The following TCF7L2 variants were observed in gnomAD, a reference collection of about 807,000 sequenced individuals.
TCF7L2 encodes transcription factor 7 like 2, also known as transcription factor 7-like 2.
TCF7L2 carries 23 observed loss-of-function variants against 77.9 expected under a neutral mutation model. That is an observed-to-expected ratio of 0.30 (90% CI 0.21 to 0.42). TCF7L2 has a LOEUF of 0.42. Among genes scored for constraint, TCF7L2 ranks in the 10% least tolerant of loss-of-function variants. The probability of loss-of-function intolerance (pLI) is 1.00; values close to 1 mark genes in which losing one functional copy is unlikely to be tolerated. For missense variants in TCF7L2, 654 were observed against 793.1 expected (o/e 0.82, Z 2.11); for synonymous variants, 413 against 340.2 (o/e 1.21, Z -2.36).
chr10:113,119,793 T>C (rs144193303), intron 5 of TCF7L2, among the ~76,000 whole-genome samples: 69 of 152,284 alleles, frequency 4.5e-4, no homozygotes, highest in Middle Eastern at 3.4e-3. Flanking sequence ...TTTGGTTCAG[T>C]GCATCTGATT....
At chr10:113,160,104 CAG>C (rs1000075724) in intron 12 of TCF7L2, 112 bp downstream of exon 14, 9 of 954,732 alleles carry the variant, frequency 9.4e-6, no homozygotes, top group African/African-American at 6.5e-5. Flanking sequence ...TCAGGAGACA[CAG>C]GGGAGTGGGA....
At chr10:112,983,267 C>T (rs967742114) in intron 4 of TCF7L2, among the ~76,000 whole-genome samples, 8 of 151,754 alleles carry the variant, frequency 5.3e-5, no homozygotes, top group African/African-American at 1.9e-4. Flanking sequence ...GTCAGGAGAT[C>T]GAAACCATCC....
At chr10:113,147,948 A>G (rs1226418416) in intron 8 of TCF7L2, among the ~76,000 whole-genome samples, 1 of 152,322 alleles carries the variant, frequency 6.6e-6, no homozygotes, top group East Asian at 1.9e-4. Context: ...GGTAGGCCAA[A>G]TGAAAGATAG....
intron 6 of TCF7L2, 78 bp downstream of exon 6, chr10:113,141,394 C>T (rs2136852829): frequency 3.8e-6 from 6 of 1,593,392 alleles, no homozygotes; most frequent in Non-Finnish European, 5.1e-6. Flanking sequence ...TCCACAGGAA[C>T]CCCAGGGGTG....
rs115244590 is a variant in TCF7L2 at position 112,981,916 on chromosome 10, C to T, written c.450+17292C>T. On this transcript the variant is annotated intron_variant, in intron 4 of 13. Coordinates refer to ENST00000627217, the MANE Select transcript of TCF7L2 (RefSeq NM_001146274.2). ...CTCAGGCAAGGCAGCCCCAGCATGC[C>T]AGCCCCCAGGAATATTGAGACTGCT... Among the ~76,000 whole-genome samples the T allele has an allele frequency of 2.7e-3, 412 of 152,310 alleles. 4 individuals are homozygous for T. The highest frequency in any genetic ancestry group is 9.4e-3 in the African/African-American group (391 of 41,570).
At chr10:112,964,508 G>A in intron 3 of TCF7L2, 48 bp from the exon 4 acceptor site, 1 of 1,565,844 alleles carries the variant, frequency 6.4e-7, no homozygotes. Context: ...ATGTTTTCTT[G>A]TAGTTTGTGA....
intron 4 of TCF7L2, among the ~76,000 whole-genome samples, chr10:113,036,149 CAT>C (rs2051198976): frequency 6.6e-6 from 1 of 151,544 alleles, no homozygotes; most frequent in Non-Finnish European, 1.5e-5. Flanking sequence ...TCATCATCAT[CAT>C]CATCATCATC....
At chr10:113,033,241 C>T (rs1046848756) in intron 4 of TCF7L2, among the ~76,000 whole-genome samples, 3 of 150,096 alleles carry the variant, frequency 2.0e-5, no homozygotes, top group Non-Finnish European at 4.4e-5. Context: ...CTCTCTCTCT[C>T]GTTTCCTTTT....
rs73362229 is a variant in TCF7L2 at position 113,165,861 on chromosome 10, C to T, written c.1698C>T (p.Ala566=). Residue 566 remains alanine (A), a synonymous_variant, in exon 14 of 14, where the codon GCC becomes GCT. Transcript: ENST00000627217. ...TGCCCCCAGCCGCTTTGCAGCCTGC[C>T]GCCCCCTCCTCATCAATTGCACAGC... The T allele has an allele frequency of 2.1e-4, 345 of 1,607,780 alleles. 1 individual carries two copies. In the African/African-American group the frequency reaches 2.6e-3, roughly 12 times the overall value.
At chr10:113,123,180 G>A (rs539170594) in intron 5 of TCF7L2, among the ~76,000 whole-genome samples, 2 of 152,276 alleles carry the variant, frequency 1.3e-5, no homozygotes, top group Middle Eastern at 3.4e-3. Flanking sequence ...TTTCAAAGTC[G>A]GAGAGTTAAT....
At chr10:113,048,532 C>CTTGGTTA (rs2053845137) in intron 5 of TCF7L2, among the ~76,000 whole-genome samples, 1 of 152,182 alleles carries the variant, frequency 6.6e-6, no homozygotes. Context: ...TCAGAACCAT[C>CTTGGTTA]TTGGTTAGCA....
chr10:113,064,141 A>T (rs1311009519), intron 5 of TCF7L2, among the ~76,000 whole-genome samples: 1 of 152,120 alleles, frequency 6.6e-6, no homozygotes, highest in African/African-American at 2.4e-5. Context: ...TTCTTTTGGG[A>T]TATGTAACAG....
intron 11 of TCF7L2, 106 bp from the exon 12 acceptor site, chr10:113,157,915 T>G: frequency 6.0e-6 from 7 of 1,161,052 alleles, no homozygotes; most frequent in Non-Finnish European, 8.7e-6. Flanking sequence ...TGGATGGAGA[T>G]GGCAGTATGG....
At chr10:113,130,747 TA>T (rs1052657356) in intron 5 of TCF7L2, among the ~76,000 whole-genome samples, 1 of 147,034 alleles carries the variant, frequency 6.8e-6, no homozygotes, top group African/African-American at 2.5e-5. Flanking sequence ...GATATCTTTT[TA>T]AAAAATTATT....
chr10:112,954,962 C>T lies in TCF7L2; in HGVS notation c.381+3355C>T, dbSNP rs139515406. Among the ~76,000 whole-genome samples, 517 of 152,188 alleles carry T rather than the reference C, an allele frequency of 3.4e-3. 3 individuals carry two copies. Among genetic ancestry groups the T allele is most frequent in the Middle Eastern group, 0.01 (3 of 294 alleles). On this transcript the variant is annotated intron_variant, in intron 3 of 13. Transcript: ENST00000627217. ...CCTATTCATTGGGATTTTATTTAGCCGGGCAACTTCTCTTTCTGGCTTGTG... is the reference window on the plus strand; with the variant it reads ...CCTATTCATTGGGATTTTATTTAGCTGGGCAACTTCTCTTTCTGGCTTGTG...
chr10:113,003,174 C>T (rs1360129731), intron 4 of TCF7L2, among the ~76,000 whole-genome samples: 1 of 152,180 alleles, frequency 6.6e-6, no homozygotes, highest in Non-Finnish European at 1.5e-5. Flanking sequence ...ATATGCAAGT[C>T]GGCCTTCTCC....
chr10:113,073,494 G>A (rs1485672163), intron 5 of TCF7L2, among the ~76,000 whole-genome samples: 2 of 116,292 alleles, frequency 1.7e-5, no homozygotes, highest in Non-Finnish European at 3.3e-5. Context: ...AGCAAGACCC[G>A]GTCTCTACCA....
chr10:112,976,758 A>G (rs888139548), intron 4 of TCF7L2, among the ~76,000 whole-genome samples: 1 of 152,180 alleles, frequency 6.6e-6, no homozygotes, highest in Non-Finnish European at 1.5e-5. Flanking sequence ...GTAGTTTGAG[A>G]TGAGTGTTCG....
intron 3 of TCF7L2, among the ~76,000 whole-genome samples, chr10:112,959,932 GT>G (rs2034627842): frequency 6.6e-6 from 1 of 151,896 alleles, no homozygotes; most frequent in Non-Finnish European, 1.5e-5. Context: ...CAGCTACAGG[GT>G]AGAGAGGAAA....
Sources: gnomAD v4.1 joint callset for allele counts (sites outside exome capture counted in the v4.1 genomes callset) on GRCh38, gnomAD v4.1.1 for gene constraint, MANE v1.5 for transcripts, NCBI Gene and HGNC (gene_info 2026-07-23, HGNC 2026-07-21) for gene names.